Variants in PTPRT observed in about 807,000 individuals in gnomAD.
The protein encoded by PTPRT is receptor-type tyrosine-protein phosphatase T.
A neutral mutation model predicts 176.8 loss-of-function variants in PTPRT; 56 were observed. That is an observed-to-expected ratio of 0.32 (90% CI 0.26 to 0.40). The LOEUF is 0.40. PTPRT is among the 10% of genes least tolerant of loss of function. The pLI, the probability that PTPRT is intolerant of heterozygous loss-of-function variation, is 1.00. For synonymous variants in PTPRT, 783 were observed against 739.0 expected, an observed-to-expected ratio of 1.06 and a Z score of -0.96; for missense variants, 1,540 against 1,908.2, an observed-to-expected ratio of 0.81 and a Z score of 3.60.
intron 18 of PTPRT, among the ~76,000 whole-genome samples, chr20:42,133,587 C>G (rs1988234041): frequency 6.6e-6 from 1 of 152,138 alleles, no homozygotes; most frequent in African/African-American, 2.4e-5. Context: ...GGCCGTGAAA[C>G]TATTCTATAC....
intron 6 of PTPRT, among the ~76,000 whole-genome samples, chr20:42,708,420 G>A (rs1179777230): frequency 6.6e-6 from 1 of 152,154 alleles, no homozygotes; most frequent in Non-Finnish European, 1.5e-5. Flanking sequence ...TTCCACTGGA[G>A]AGAGAGATTT....
chr20:42,516,750 A>G (rs2072074770), intron 7 of PTPRT, among the ~76,000 whole-genome samples: 1 of 152,192 alleles, frequency 6.6e-6, no homozygotes, highest in African/African-American at 2.4e-5. Context: ...CACTTGTAGT[A>G]GATAAGAATT....
intron 9 of PTPRT, among the ~76,000 whole-genome samples, chr20:42,443,854 G>A (rs1338847414): frequency 6.6e-6 from 1 of 152,224 alleles, no homozygotes; most frequent in Non-Finnish European, 1.5e-5. Context: ...CAGGTATAAG[G>A]TCTTTTAATA....
intron 1 of PTPRT, among the ~76,000 whole-genome samples, chr20:42,889,128 A>T (rs1354738101): frequency 6.6e-6 from 1 of 152,038 alleles, no homozygotes; most frequent in Non-Finnish European, 1.5e-5. Context: ...CTCAGCTGAT[A>T]CTGAGCTGAC....
intron 8 of PTPRT, among the ~76,000 whole-genome samples, chr20:42,459,339 T>G (rs1338595532): frequency 6.6e-6 from 1 of 152,190 alleles, no homozygotes; most frequent in Non-Finnish European, 1.5e-5. Flanking sequence ...ACTTCGGGTT[T>G]TTAATGTGAG....
At chr20:42,454,509 C>G (rs536865371) in intron 8 of PTPRT, among the ~76,000 whole-genome samples, 1 of 152,234 alleles carries the variant, frequency 6.6e-6, no homozygotes, top group East Asian at 1.9e-4. Flanking sequence ...TTGGTATTAT[C>G]AGGTTTTAAA....
chr20:43,014,519 CAT>C, intron 1 of PTPRT, among the ~76,000 whole-genome samples: 1 of 152,276 alleles, frequency 6.6e-6, no homozygotes, highest in East Asian at 1.9e-4. Context: ...AGACCACAGC[CAT>C]ATATCCACAT....
chr20:42,293,829 T>C (rs1376406960), intron 12 of PTPRT, among the ~76,000 whole-genome samples: 4 of 152,180 alleles, frequency 2.6e-5, no homozygotes, highest in Non-Finnish European at 4.4e-5. Context: ...CTAGGAGTCA[T>C]TATTGATTTT....
chr20:42,990,551 G>A (rs1303051457), intron 1 of PTPRT, among the ~76,000 whole-genome samples: 6 of 152,108 alleles, frequency 3.9e-5, no homozygotes, highest in Admixed American at 1.3e-4. Context: ...TACACCCTAC[G>A]ACCTAGGTTT....
rs2076253 is a variant in PTPRT, at chr20:42,102,386, C to A, written c.3541-89G>T. ...AGTAATGTTCCAACTCAGCCTAACTCGCCTATTTCCACCCTCTAAGCGCAG... is the reference window on the plus strand; with the variant it reads ...AGTAATGTTCCAACTCAGCCTAACTAGCCTATTTCCACCCTCTAAGCGCAG... On this transcript the variant is annotated intron_variant, in intron 25 of 30. Transcript: ENST00000373187. 1.0e-5 allele frequency: 14 copies of A among 1,398,014 alleles called. No individual in the cohort carries two copies. In the Admixed American group the frequency reaches 2.3e-4, roughly 23 times the overall value. The allele number at this position is 1,398,014 out of a possible 1,614,324, so 86.6% of individuals were successfully genotyped here. A position where few individuals can be genotyped will look rare whatever the true frequency, so the allele number is the denominator to read the frequency against.
At chr20:42,535,867 G>A (rs1442643229) in intron 7 of PTPRT, among the ~76,000 whole-genome samples, 1 of 152,140 alleles carries the variant, frequency 6.6e-6, no homozygotes. Flanking sequence ...CATTGGGGTG[G>A]CCAGATCAGG....
chr20:42,490,215 T>C (rs997496670), intron 7 of PTPRT, among the ~76,000 whole-genome samples: 2 of 152,308 alleles, frequency 1.3e-5, no homozygotes, highest in South Asian at 4.2e-4. Context: ...TTGACTACTA[T>C]GATTTTTCCC....
At chr20:42,069,862 G>T (rs774283638), downstream of PTPRT, among the ~76,000 whole-genome samples, 3 of 152,096 alleles carry the variant, frequency 2.0e-5, no homozygotes, top group East Asian at 5.8e-4. Flanking sequence ...TTTCCAGGGG[G>T]TTATAATCCC....
chr20:42,261,864 G>T (rs1243787386), intron 13 of PTPRT, among the ~76,000 whole-genome samples: 1 of 152,196 alleles, frequency 6.6e-6, no homozygotes, highest in Admixed American at 6.5e-5. Context: ...GCAAAGATCT[G>T]CCCATCTGGG....
rs72024227 is a variant in PTPRT, at chr20:42,717,867, C to CTGTGTGTG, written c.859+38587_859+38594dup. The stretch of plus-strand genomic sequence containing the variant: ...TTCAAACACATGACATCAAGATCAC[C>CTGTGTGTG]TGTGTGTGTGTGTGTGTGTGCATGC... On this transcript the variant is annotated intron_variant, in intron 6 of 30. Coordinates refer to ENST00000373187, the MANE Select transcript of PTPRT (RefSeq NM_007050.6). 9.5e-4 allele frequency among the ~76,000 whole-genome samples: 142 copies of CTGTGTGTG among 150,234 alleles called. 3 individuals are homozygous for CTGTGTGTG. Among genetic ancestry groups the CTGTGTGTG allele is most frequent in the Middle Eastern group, 6.9e-3 (2 of 290 alleles).
At chr20:42,187,231 C>T (rs192483099) in intron 16 of PTPRT, among the ~76,000 whole-genome samples, 1 of 152,174 alleles carries the variant, frequency 6.6e-6, no homozygotes, top group Admixed American at 6.5e-5. Flanking sequence ...GTAGAAATGC[C>T]ATTTCTTATG....
At chr20:42,496,191 G>T (rs574834193) in intron 7 of PTPRT, among the ~76,000 whole-genome samples, 1 of 152,074 alleles carries the variant, frequency 6.6e-6, no homozygotes, top group East Asian at 1.9e-4. Flanking sequence ...AAGAGGGGTC[G>T]GCTTTGCTGT....
At position 42,993,440 on chromosome 20, in the gene PTPRT, GTA is replaced by G. The variant is rs1229699850; in HGVS notation, c.89-107510_89-107509del. Among the ~76,000 whole-genome samples the G allele has an allele frequency of 2.0e-5, 2 of 101,188 alleles. 1 individual carries two copies. Among genetic ancestry groups the G allele is most frequent in the East Asian group, 4.8e-4 (2 of 4,156 alleles). 66.4% of individuals were successfully genotyped at this position (101,188 alleles called of 152,430 possible). On this transcript the variant is annotated intron_variant, in intron 1 of 30. Coordinates refer to ENST00000373187, the MANE Select transcript of PTPRT (RefSeq NM_007050.6). ...CTCAAAAAAAAAAAAAAGTATGTGTGTATATATATATATGTATGTGTGTGTAT... is the reference window on the plus strand; with the variant it reads ...CTCAAAAAAAAAAAAAAGTATGTGTGTATATATATATGTATGTGTGTGTAT...
chr20:42,933,567 C>G (rs973331777), intron 1 of PTPRT, among the ~76,000 whole-genome samples: 3 of 152,234 alleles, frequency 2.0e-5, no homozygotes, highest in South Asian at 2.1e-4. Flanking sequence ...TCCCCCAAAC[C>G]CTTCAATGTG....
Sources: allele counts gnomAD v4.1 joint callset (sites outside exome capture counted in the v4.1 genomes callset), GRCh38; gene constraint gnomAD v4.1.1; transcripts MANE v1.5; gene names NCBI Gene and HGNC (gene_info 2026-07-23, HGNC 2026-07-21).